The following STAC variants were observed in gnomAD, a reference collection of about 807,000 sequenced individuals.
The protein encoded by STAC is SH3 and cysteine-rich domain-containing protein.
A neutral mutation model predicts 48.8 loss-of-function variants in STAC; 43 were observed. That is an observed-to-expected ratio of 0.88 (90% confidence interval 0.69 to 1.14). The LOEUF is 1.14. STAC is among the 50% of genes most tolerant of loss of function. STAC has a pLI of 0.00. For synonymous variants in STAC, 193 were observed against 179.5 expected (o/e 1.07, Z -0.60); for missense variants, 497 against 504.0 (o/e 0.99, Z 0.13).
chr3:36,390,949 A>G (rs1430268273), intron 1 of STAC, among the ~76,000 whole-genome samples: 1 of 152,162 alleles, frequency 6.6e-6, no homozygotes, highest in East Asian at 1.9e-4. Context: ...TTTACCAGAA[A>G]ATTATCCATT....
intron 2 of STAC, among the ~76,000 whole-genome samples, chr3:36,467,998 C>T (rs1575220101): frequency 6.6e-6 from 1 of 152,142 alleles, no homozygotes; most frequent in African/African-American, 2.4e-5. Flanking sequence ...ATGAACTTTC[C>T]TCTTAGCACC....
intron 3 of STAC, among the ~76,000 whole-genome samples, chr3:36,483,565 T>A (rs1697715358): frequency 6.6e-6 from 1 of 152,022 alleles, no homozygotes; most frequent in East Asian, 1.9e-4. Context: ...TTTAACAGAA[T>A]CTCCCAAACC....
chr3:36,395,213 A>G (rs945323871), intron 1 of STAC, among the ~76,000 whole-genome samples: 2 of 152,186 alleles, frequency 1.3e-5, no homozygotes, highest in African/African-American at 4.8e-5. Flanking sequence ...CAGACAAGAA[A>G]GTTGAAGAGG....
chr3:36,446,700 G>A (rs1696516703), intron 2 of STAC, among the ~76,000 whole-genome samples: 1 of 152,128 alleles, frequency 6.6e-6, no homozygotes, highest in South Asian at 2.1e-4. Context: ...CATCAAATAA[G>A]GAGATGTTTC....
At chr3:36,430,502 A>C (rs1700674598) in intron 1 of STAC, among the ~76,000 whole-genome samples, 1 of 152,238 alleles carries the variant, frequency 6.6e-6, no homozygotes, top group Admixed American at 6.5e-5. Flanking sequence ...CATCTTTATT[A>C]ACCAGTGGAG....
intron 2 of STAC, among the ~76,000 whole-genome samples, chr3:36,459,586 C>T (rs975651700): frequency 6.6e-6 from 1 of 152,218 alleles, no homozygotes; most frequent in African/African-American, 2.4e-5. Context: ...TTTTAATGAA[C>T]TCCTCATTTA....
At chr3:36,527,264 G>T (rs928599982) in intron 8 of STAC, among the ~76,000 whole-genome samples, 1 of 152,086 alleles carries the variant, frequency 6.6e-6, no homozygotes, top group Non-Finnish European at 1.5e-5. Flanking sequence ...TTCAGTAAAA[G>T]AAAGAAATAT....
In STAC at chr3:36,439,943, T is replaced by C. The variant is rs142271676; in HGVS notation, c.112-3421T>C. Among the ~76,000 whole-genome samples, 400 of 152,348 alleles carry C rather than the reference T, an allele frequency of 2.6e-3. 4 individuals carry two copies. Among genetic ancestry groups the C allele is most frequent in the African/African-American group, 8.8e-3 (368 of 41,588 alleles). On this transcript the variant is annotated intron_variant, in intron 1 of 10. Coordinates refer to ENST00000273183, the MANE Select transcript of STAC (RefSeq NM_003149.3). Reference sequence around the variant, plus strand: ...CCACAATAACTCAGGGACACCTCCTTCTTCCCCCTTCTTTGACAGTTCTGA... The same window carrying C: ...CCACAATAACTCAGGGACACCTCCTCCTTCCCCCTTCTTTGACAGTTCTGA...
At chr3:36,516,461 C>T (rs1698675535) in intron 8 of STAC, among the ~76,000 whole-genome samples, 1 of 152,144 alleles carries the variant, frequency 6.6e-6, no homozygotes. Flanking sequence ...TATACAGTCT[C>T]CTTTGCTACA....
At chr3:36,486,102 C>T in intron 4 of STAC, 32 bp from the exon 5 acceptor site, 1 of 1,570,314 alleles carries the variant, frequency 6.4e-7, no homozygotes. Flanking sequence ...CTCAGATGAG[C>T]TTCCTCAGAT....
Position 36,468,558 on chromosome 3 carries a change from G to T in STAC, c.389-14434G>T, listed in dbSNP as rs531588777. 1.4e-4 allele frequency among the ~76,000 whole-genome samples: 21 copies of T among 150,368 alleles called. 1 individual carries two copies. In the South Asian group the frequency reaches 4.4e-3, roughly 31 times the overall value. The stretch of plus-strand genomic sequence containing the variant: ...TCATTTATTAGGTCTAGTAGTAATT[G>T]TTTTATAAATGTGGGAGCTCCTGTG... On this transcript the variant is annotated intron_variant, in intron 2 of 10. Transcript: ENST00000273183.
chr3:36,516,792 G>A (rs181033505), intron 8 of STAC, among the ~76,000 whole-genome samples: 250 of 152,232 alleles, frequency 1.6e-3, no homozygotes, highest in African/African-American at 5.7e-3. Context: ...GTATTAAACA[G>A]GATAATATAA....
intron 2 of STAC, among the ~76,000 whole-genome samples, chr3:36,470,130 G>A (rs904892476): frequency 1.3e-5 from 2 of 152,146 alleles, no homozygotes; most frequent in African/African-American, 4.8e-5. Flanking sequence ...TTTTGGAGGT[G>A]TTAAAGAACC....
rs146949545 is a variant in STAC, at chr3:36,438,791, A to C, written c.112-4573A>C. Among the ~76,000 whole-genome samples the C allele has an allele frequency of 2.0e-3, 312 of 152,310 alleles. 4 individuals are homozygous for C. Among genetic ancestry groups the C allele is most frequent in the African/African-American group, 7.0e-3 (293 of 41,576 alleles). ...ATATGACGAAGGGTTTGAAAGGAGAAGTAAAGCACATGAGCACAGGAGGGA... is the reference window on the plus strand; with the variant it reads ...ATATGACGAAGGGTTTGAAAGGAGACGTAAAGCACATGAGCACAGGAGGGA... On this transcript the variant is annotated intron_variant, in intron 1 of 10. Coordinates refer to ENST00000273183, the MANE Select transcript of STAC (RefSeq NM_003149.3).
intron 6 of STAC, among the ~76,000 whole-genome samples, chr3:36,493,526 G>C (rs968382418): frequency 6.6e-6 from 1 of 151,950 alleles, no homozygotes; most frequent in Non-Finnish European, 1.5e-5. Context: ...GGGTTTAAGA[G>C]TCGCTTCCAG....
At chr3:36,521,722 T>C (rs1189982395) in intron 8 of STAC, among the ~76,000 whole-genome samples, 1 of 152,184 alleles carries the variant, frequency 6.6e-6, no homozygotes, top group African/African-American at 2.4e-5. Flanking sequence ...AATCTTCTAA[T>C]TTACAAGTGG....
At chr3:36,482,942 C>A (rs762803497) in intron 2 of STAC, 50 bp from the exon 3 acceptor site, 3 of 1,299,384 alleles carry the variant, frequency 2.3e-6, no homozygotes, top group Non-Finnish European at 3.3e-6. Context: ...GACTAATCAG[C>A]AGGAAATGGC....
chr3:36,447,576 C>A (rs2125670960), intron 2 of STAC, among the ~76,000 whole-genome samples: 1 of 152,150 alleles, frequency 6.6e-6, no homozygotes, highest in African/African-American at 2.4e-5. Flanking sequence ...ATTCTGACCT[C>A]ATCCCATTGC....
intron 8 of STAC, among the ~76,000 whole-genome samples, chr3:36,523,804 G>A (rs721110): frequency 5.2e-4 from 79 of 152,276 alleles, no homozygotes; most frequent in Non-Finnish European, 1.0e-3. Flanking sequence ...CCAATGGCAC[G>A]GCTCTCCCTA....
Sources: gnomAD v4.1 joint callset for allele counts (sites outside exome capture counted in the v4.1 genomes callset) on GRCh38, gnomAD v4.1.1 for gene constraint, MANE v1.5 for transcripts, NCBI Gene and HGNC (gene_info 2026-07-23, HGNC 2026-07-21) for gene names.